PIKFYVE: variants seen among roughly 807,000 people sequenced by gnomAD.
PIKFYVE encodes the protein 1-phosphatidylinositol 3-phosphate 5-kinase.
Under a neutral mutation model 257.9 loss-of-function variants are expected in PIKFYVE, and 122 were observed. The ratio of observed to expected loss-of-function variants is 0.47; its 90% CI spans 0.41 to 0.55. The LOEUF (loss-of-function observed/expected upper bound fraction) is 0.55, where lower values mean the gene tolerates loss of function less well. PIKFYVE is among the 20% of genes least tolerant of loss of function. The probability of loss-of-function intolerance (pLI) is 0.00; values close to 1 mark genes in which losing one functional copy is unlikely to be tolerated. For synonymous variants in PIKFYVE, 892 were observed against 868.9 expected, an observed-to-expected ratio of 1.03 and a Z score of -0.47; for missense variants, 2,160 against 2,536.6, an observed-to-expected ratio of 0.85 and a Z score of 3.19.
chr2:208,334,090 G>A (rs1364409836), intron 24 of PIKFYVE, among the ~76,000 whole-genome samples: 1 of 152,210 alleles, frequency 6.6e-6, no homozygotes, highest in African/African-American at 2.4e-5. Context: ...AGTTGCCATT[G>A]TGGTATTAAA....
chr2:208,294,368 A>T (rs1020774231), intron 7 of PIKFYVE, among the ~76,000 whole-genome samples: 2 of 152,232 alleles, frequency 1.3e-5, no homozygotes, highest in Non-Finnish European at 2.9e-5. Flanking sequence ...TTTAAAAACA[A>T]TTCCTAGACT....
Position 208,326,434 on chromosome 2 carries a change from G to A in PIKFYVE, c.3618+5G>A, listed in dbSNP as rs1356900553. The A allele has an allele frequency of 1.9e-6, 3 of 1,613,326 alleles. No homozygotes were observed. The highest frequency in any genetic ancestry group is 2.5e-6 in the Non-Finnish European group (3 of 1,179,476). On this transcript the variant is annotated splice_donor_5th_base_variant and intron_variant, in intron 20 of 41. Coordinates refer to ENST00000264380, the MANE Select transcript of PIKFYVE (RefSeq NM_015040.4). ...GATGCTGTGTGGTCAACAAAGGTGA[G>A]CCAGACCACTTTCTGATGCTCCTGT...
chr2:208,282,737 A>G (rs1053814910), intron 5 of PIKFYVE, among the ~76,000 whole-genome samples: 2 of 152,190 alleles, frequency 1.3e-5, no homozygotes, highest in African/African-American at 2.4e-5. Context: ...AAGTTGACGC[A>G]TAAGGTTAAT....
At chr2:208,305,357 C>G in intron 12 of PIKFYVE, 1 of 1,144,034 alleles carries the variant, frequency 8.7e-7, no homozygotes, top group Non-Finnish European at 1.1e-6. Context: ...TTTTCTCTTT[C>G]TTCATTTAAC....
chr2:208,314,106 G>A (rs1239046016), intron 13 of PIKFYVE, among the ~76,000 whole-genome samples, 188 bp from the exon 14 acceptor site: 3 of 152,170 alleles, frequency 2.0e-5, no homozygotes, highest in Middle Eastern at 3.4e-3. Flanking sequence ...TGTATTTTAT[G>A]TATTTGTAAG....
chr2:208,287,748 G>A (rs1041222117), intron 6 of PIKFYVE, among the ~76,000 whole-genome samples: 1 of 151,410 alleles, frequency 6.6e-6, no homozygotes, highest in Non-Finnish European at 1.5e-5. Flanking sequence ...TTACAGGTGT[G>A]TGCCACCATG....
chr2:208,335,922 A>G, intron 26 of PIKFYVE, 21 bp downstream of exon 26: 1 of 1,595,758 alleles, frequency 6.3e-7, no homozygotes. Flanking sequence ...TCTTTGGTAG[A>G]AAATTCAAAA....
At chr2:208,348,045 G>A (rs55754111) in intron 35 of PIKFYVE, 22 bp downstream of exon 35, 45,998 of 1,611,802 alleles carry the variant, frequency 0.029, 760 homozygotes, top group Non-Finnish European at 0.035. Flanking sequence ...AAGAGTAAAT[G>A]TGCTTATTCT....
intron 7 of PIKFYVE, among the ~76,000 whole-genome samples, chr2:208,291,106 A>G (rs1692253417): frequency 6.6e-6 from 1 of 152,142 alleles, no homozygotes; most frequent in African/African-American, 2.4e-5. Context: ...TGAGTTTCTC[A>G]CCATTAAGTA....
intron 5 of PIKFYVE, among the ~76,000 whole-genome samples, chr2:208,284,866 G>A (rs1312843065): frequency 6.6e-6 from 1 of 151,478 alleles, no homozygotes; most frequent in Non-Finnish European, 1.5e-5. Flanking sequence ...ACAGGGTCTC[G>A]GTATGTTGGC....
chr2:208,314,345 C>T lies in PIKFYVE; in HGVS notation c.1748C>T (p.Thr583Ile), dbSNP rs775876880. 2 of 1,613,696 alleles carry T rather than the reference C, an allele frequency of 1.2e-6. No individual in the cohort carries two copies. Among genetic ancestry groups the T allele is most frequent in the Admixed American group, 3.3e-5 (2 of 59,998 alleles). Residue 583 changes from threonine to isoleucine, a missense_variant, in exon 14 of 42, where the codon ACA becomes ATA. This residue lies in a region of PIKFYVE where 346 missense variants were observed against 365.6 expected (regional missense o/e 0.95). Coordinates refer to ENST00000264380, the MANE Select transcript of PIKFYVE (RefSeq NM_015040.4). ...VEEKSKELPFTPLGWHHNNLE... is the reference protein window; with the variant it reads ...VEEKSKELPFIPLGWHHNNLE... ...GAAAAATCCAAAGAGCTGCCTTTCACACCTTTGGGCTGGCATCATAACAAC... is the reference window on the plus strand; with the variant it reads ...GAAAAATCCAAAGAGCTGCCTTTCATACCTTTGGGCTGGCATCATAACAAC...
chr2:208,325,807 T>G lies in PIKFYVE; in HGVS notation c.2996T>G (p.Leu999Trp). 2 of 1,614,104 alleles carry G rather than the reference T, an allele frequency of 1.2e-6. No individual in the cohort carries two copies. Among genetic ancestry groups the G allele is most frequent in the Non-Finnish European group, 1.7e-6 (2 of 1,180,010 alleles). ...DALGSEQPET[L>W]QQTVVLQDPK... ...TTAGGCAGCGAGCAGCCAGAGACTT[T>G]GCAGCAAACAGTTGTGCTGCAGGAT... The change falls in exon 20 of 42, where the codon TTG becomes TGG. Residue 999 changes from leucine to tryptophan, a missense_variant. Around this residue, in one of 12 missense-constraint regions of PIKFYVE, gnomAD observed 522 missense variants for 514.6 expected, o/e 1.01. Transcript: ENST00000264380.
In PIKFYVE at chr2:208,326,335, A is replaced by G; in HGVS notation, c.3524A>G (p.Asp1175Gly). 2 of 1,613,522 alleles carry G rather than the reference A, an allele frequency of 1.2e-6. No individual in the cohort carries two copies. The highest frequency in any genetic ancestry group is 1.7e-6 in the Non-Finnish European group (2 of 1,179,780). The change falls in exon 20 of 42, where the codon GAT (aspartate) becomes GGT (glycine). Residue 1175 changes from aspartate (D) to glycine (G), a missense_variant. Transcript: ENST00000264380. ...TCAGACCCTTTTGCTCATTCAAAGGATGCATCAAGTACTTCAAGTGGCCAA... is the reference window on the plus strand; with the variant it reads ...TCAGACCCTTTTGCTCATTCAAAGGGTGCATCAAGTACTTCAAGTGGCCAA... ...KNSDPFAHSK[D>G]ASSTSSGQSG...
intron 24 of PIKFYVE, 56 bp from the exon 25 acceptor site, chr2:208,335,250 A>G: frequency 8.7e-7 from 1 of 1,144,752 alleles, no homozygotes. Context: ...ATACAGCTCT[A>G]TTCAAGATAT....
chr2:208,311,650 G>A (rs1421189233), intron 12 of PIKFYVE, among the ~76,000 whole-genome samples: 1 of 152,200 alleles, frequency 6.6e-6, no homozygotes, highest in East Asian at 1.9e-4. Context: ...GCAAAAATTT[G>A]GCAGTGTTTG....
intron 7 of PIKFYVE, among the ~76,000 whole-genome samples, chr2:208,294,556 G>T (rs982934574): frequency 7.2e-5 from 11 of 152,266 alleles, no homozygotes; most frequent in African/African-American, 1.9e-4. Context: ...TGTAGGGGGA[G>T]GTTAAGTGGT....
rs1347316466 is a variant in PIKFYVE at position 208,304,850 on chromosome 2, T to C, written c.1473T>C (p.Ser491=). ...TCCCCTTCCCAACACTAAAAGATTC[T>C]GCCAGTCCTAGCAAGCGCACATCAG... ...AEEGDDNLAN[S]ASPSKRTSVS... is the part of the protein sequence containing the mutation. The change falls in exon 12 of 42, where the codon TCT becomes TCC. Residue 491 remains serine (S), a synonymous_variant. Coordinates refer to ENST00000264380, the MANE Select transcript of PIKFYVE (RefSeq NM_015040.4). The C allele has an allele frequency of 6.2e-7, 1 of 1,614,062 alleles. No individual in the cohort carries two copies. The highest frequency in any genetic ancestry group is 1.7e-5 in the Admixed American group (1 of 60,020).
At chr2:208,351,024 A>G (rs2125812411) in intron 37 of PIKFYVE, 77 bp downstream of exon 37, 1 of 1,554,598 alleles carries the variant, frequency 6.4e-7, no homozygotes, top group Middle Eastern at 1.8e-4. Flanking sequence ...CAGGAAGGAT[A>G]TTGCTTAATA....
intron 28 of PIKFYVE, among the ~76,000 whole-genome samples, chr2:208,337,552 TATCA>T (rs1051787304): frequency 1.3e-5 from 2 of 152,096 alleles, no homozygotes; most frequent in African/African-American, 2.4e-5. Context: ...TCTAGATATA[TATCA>T]ATCTATCTAG....
Sources: allele counts gnomAD v4.1 joint callset (sites outside exome capture counted in the v4.1 genomes callset), GRCh38; gene constraint gnomAD v4.1.1; regional missense constraint gnomAD v4.1.1; transcripts MANE v1.5; gene names NCBI Gene and HGNC (gene_info 2026-07-23, HGNC 2026-07-21).